COL15A1: variants seen among roughly 807,000 people sequenced by gnomAD.
COL15A1 encodes collagen type XV alpha 1 chain, also known as collagen alpha-1(XV) chain.
COL15A1 carries 111 observed loss-of-function variants against 165.9 expected under a neutral mutation model. The observed-to-expected ratio is 0.67, with a 90% confidence interval of 0.57 to 0.78. The LOEUF is 0.78. COL15A1 is among the 30% of genes least tolerant of loss of function. The pLI, the probability that COL15A1 is intolerant of heterozygous loss-of-function variation, is 0.00. For synonymous variants in COL15A1, 659 were observed against 674.8 expected, an observed-to-expected ratio of 0.98 and a Z score of 0.36; for missense variants, 1,745 against 1,789.7, an observed-to-expected ratio of 0.98 and a Z score of 0.45.
intron 2 of COL15A1, among the ~76,000 whole-genome samples, chr9:98,952,314 A>G (rs1837701640): frequency 6.6e-6 from 1 of 152,172 alleles, no homozygotes; most frequent in South Asian, 2.1e-4. Context: ...GTTTTCTTCA[A>G]TAGTGTAATA....
chr9:99,023,289 T>C (rs966551870), intron 13 of COL15A1, 68 bp from the exon 14 acceptor site: 1 of 1,514,036 alleles, frequency 6.6e-7, no homozygotes, highest in African/African-American at 1.4e-5. Context: ...TGGAGAAAAC[T>C]CAGTGACGTG....
At chr9:99,048,150 T>C (rs1839525116) in intron 28 of COL15A1, 150 bp downstream of exon 28, 4 of 688,622 alleles carry the variant, frequency 5.8e-6, no homozygotes, top group Non-Finnish European at 8.0e-6. Flanking sequence ...CACCCAGCCC[T>C]GTCCTTCAGC....
rs1187589210 is a variant in COL15A1, at chr9:99,070,042, C to G, written c.*156C>G. ...ACCAAAGAAAACATACCTCAATACA[C>G]TCAAAACTGAAGACATAGAGGACTC... On this transcript the variant is annotated 3_prime_UTR_variant, in exon 42 of 42. Coordinates refer to ENST00000375001, the MANE Select transcript of COL15A1 (RefSeq NM_001855.5). 1 of 619,150 alleles carries G rather than the reference C, an allele frequency of 1.6e-6. No individual in the cohort carries two copies. The highest frequency in any genetic ancestry group is 2.9e-5 in the East Asian group (1 of 34,920). The allele number at this position is 619,150 out of a possible 1,614,324, so 38.4% of individuals were successfully genotyped here. A position where few individuals can be genotyped will look rare whatever the true frequency, so the allele number is the denominator to read the frequency against.
chr9:99,018,605 A>G (rs1045668299), intron 11 of COL15A1, among the ~76,000 whole-genome samples: 1 of 152,240 alleles, frequency 6.6e-6, no homozygotes, highest in African/African-American at 2.4e-5. Flanking sequence ...ATAGAGAAAA[A>G]TTGGGCATAA....
rs149989981 is a variant in COL15A1, at chr9:98,944,237, C to T, written c.87C>T (p.Thr29=). ...VSTPLPAVTQ[T]RGATETASQG... ...CGCCCCTCCCTGCTGTCACCCAGAC[C>T]CGCGGTGCGACAGGTAAGCAACCCG... Residue 29 remains threonine (T), a synonymous_variant, in exon 2 of 42, where the codon ACC becomes ACT. Transcript: ENST00000375001. 6.0e-5 allele frequency: 97 copies of T among 1,613,930 alleles called. No individual in the cohort carries two copies. In the African/African-American group the frequency reaches 1.0e-3, roughly 17 times the overall value.
chr9:98,947,516 A>G (rs1837605206), intron 2 of COL15A1, among the ~76,000 whole-genome samples: 1 of 152,222 alleles, frequency 6.6e-6, no homozygotes, highest in African/African-American at 2.4e-5. Flanking sequence ...ATGGAATGTA[A>G]GCTATGCCTC....
intron 9 of COL15A1, 104 bp downstream of exon 9, chr9:99,005,154 C>T (rs1021665730): frequency 8.3e-7 from 1 of 1,209,120 alleles, no homozygotes; most frequent in African/African-American, 1.5e-5. Flanking sequence ...GAGCCTGAGG[C>T]ACGGGGATCT....
At chr9:98,962,412 C>T (rs780892408) in intron 2 of COL15A1, among the ~76,000 whole-genome samples, 5 of 152,134 alleles carry the variant, frequency 3.3e-5, no homozygotes, top group Non-Finnish European at 7.3e-5. Flanking sequence ...CACTAGCATG[C>T]GAAGAGCCAC....
At position 99,066,832 on chromosome 9, in the gene COL15A1, T is replaced by A. The variant is rs201018220; in HGVS notation, c.3652-50T>A. The A allele has an allele frequency of 1.2e-3, 1,790 of 1,537,576 alleles. 4 individuals carry two copies. The highest frequency in any genetic ancestry group is 1.5e-3 in the Non-Finnish European group (1,670 of 1,126,402). ...AGGAATGTGAGATGGTTCTGGGGGC[T>A]GGAGTTTGCCTTTGATTCTGACTGC... On this transcript the variant is annotated intron_variant, in intron 39 of 41. Transcript: ENST00000375001.
chr9:98,976,126 G>T (rs1165169185), intron 2 of COL15A1, among the ~76,000 whole-genome samples: 2 of 152,132 alleles, frequency 1.3e-5, no homozygotes, highest in African/African-American at 4.8e-5. Context: ...CATGTTCCAG[G>T]CTTAGCTCCA....
intron 26 of COL15A1, among the ~76,000 whole-genome samples, chr9:99,045,565 A>G (rs1367061732): frequency 1.3e-5 from 2 of 152,120 alleles, no homozygotes; most frequent in Non-Finnish European, 2.9e-5. Context: ...AACATTCTCT[A>G]TGGGTCAGAC....
Position 99,055,431 on chromosome 9 carries a change from C to T in COL15A1, c.3192+59C>T, listed in dbSNP as rs558322867. The T allele has an allele frequency of 9.6e-4, 985 of 1,021,196 alleles. 6 individuals are homozygous for T. In the Middle Eastern group the frequency reaches 0.01, roughly 10 times the overall value. The allele number at this position is 1,021,196 out of a possible 1,614,324, so 63.3% of individuals were successfully genotyped here. A position where few individuals can be genotyped will look rare whatever the true frequency, so the allele number is the denominator to read the frequency against. On this transcript the variant is annotated intron_variant, in intron 34 of 41. Transcript: ENST00000375001. ...AAGACTTACAGCTTTCCCGGAAGCC[C>T]CCAATGGGACTAGGCAGTTAGGGCT...
chr9:99,042,557 C>G (rs995939825), intron 24 of COL15A1, among the ~76,000 whole-genome samples: 1 of 152,250 alleles, frequency 6.6e-6, no homozygotes, highest in African/African-American at 2.4e-5. Flanking sequence ...GACAGGCATC[C>G]TGCCAGCTTC....
intron 21 of COL15A1, 54 bp downstream of exon 21, chr9:99,036,450 G>A: frequency 6.3e-7 from 1 of 1,587,928 alleles, no homozygotes; most frequent in South Asian, 1.1e-5. Flanking sequence ...TTTGCCAAAG[G>A]GAGGAGAAGG....
intron 32 of COL15A1, 46 bp downstream of exon 32, chr9:99,054,702 T>C: frequency 6.4e-7 from 1 of 1,572,264 alleles, no homozygotes; most frequent in Non-Finnish European, 8.6e-7. Context: ...TTTTTGCTCC[T>C]GAGAACAAAT....
intron 16 of COL15A1, among the ~76,000 whole-genome samples, chr9:99,033,809 T>C (rs942931016): frequency 6.6e-6 from 1 of 152,128 alleles, no homozygotes; most frequent in Non-Finnish European, 1.5e-5. Context: ...TGCAGGTGCA[T>C]TTGTGGTTTC....
chr9:99,037,417 G>A (rs1031199631), intron 21 of COL15A1, among the ~76,000 whole-genome samples: 1 of 152,178 alleles, frequency 6.6e-6, no homozygotes, highest in African/African-American at 2.4e-5. Flanking sequence ...GCTAGGCTCT[G>A]TGGGTATAAA....
At chr9:98,998,540 T>C (rs1838589782) in intron 6 of COL15A1, among the ~76,000 whole-genome samples, 1 of 152,152 alleles carries the variant, frequency 6.6e-6, no homozygotes, top group Non-Finnish European at 1.5e-5. Context: ...TGCTGATCAG[T>C]TTCCAAGCTT....
intron 2 of COL15A1, among the ~76,000 whole-genome samples, chr9:98,950,765 C>CA (rs1341009276): frequency 6.6e-6 from 1 of 151,784 alleles, no homozygotes; most frequent in Non-Finnish European, 1.5e-5. Context: ...CAGGCATGCC[C>CA]AGCTCATTTC....
Sources: gnomAD v4.1 joint callset for allele counts (sites outside exome capture counted in the v4.1 genomes callset) on GRCh38, gnomAD v4.1.1 for gene constraint, MANE v1.5 for transcripts, NCBI Gene and HGNC (gene_info 2026-07-23, HGNC 2026-07-21) for gene names.